The following PKIG variants were observed in gnomAD, a reference collection of about 807,000 sequenced individuals.
PKIG encodes cAMP-dependent protein kinase inhibitor gamma.
A neutral mutation model predicts 6.8 loss-of-function variants in PKIG; 1 was observed. The ratio of observed to expected loss-of-function variants is 0.15; its 90% CI spans 0.05 to 0.69. The LOEUF (loss-of-function observed/expected upper bound fraction) is 0.69, where lower values mean the gene tolerates loss of function less well. Among genes scored for constraint, PKIG ranks in the 30% least tolerant of loss-of-function variants. The pLI is 0.82. For synonymous variants in PKIG, 39 were observed against 43.0 expected, an observed-to-expected ratio of 0.91 and a Z score of 0.36; for missense variants, 77 against 104.0, an observed-to-expected ratio of 0.74 and a Z score of 1.13.
At chr20:44,549,895 T>C (rs1304403019) in intron 1 of PKIG, among the ~76,000 whole-genome samples, 2 of 152,082 alleles carry the variant, frequency 1.3e-5, no homozygotes, top group Non-Finnish European at 2.9e-5. Context: ...AGGAATTCTT[T>C]ACTTTTCTTT....
chr20:44,536,863 CTAT>C (rs1435984461), intron 1 of PKIG, among the ~76,000 whole-genome samples: 2 of 152,228 alleles, frequency 1.3e-5, no homozygotes, highest in African/African-American at 4.8e-5. Flanking sequence ...GTACACATAT[CTAT>C]TATTCTAAAA....
At chr20:44,579,711 G>A (rs1217835702), upstream of PKIG, among the ~76,000 whole-genome samples, 2 of 152,188 alleles carry the variant, frequency 1.3e-5, no homozygotes, top group Non-Finnish European at 2.9e-5. Context: ...TCTGTCTTCC[G>A]GGATTCTGTC....
intron 1 of PKIG, chr20:44,585,019 C>T (rs1364566436): frequency 1.3e-5 from 2 of 152,228 alleles, no homozygotes; most frequent in Non-Finnish European, 2.9e-5. Flanking sequence ...AGTGGGAAGG[C>T]CAGGGCATCC....
chr20:44,600,581 C>G (rs891745582), intron 2 of PKIG, among the ~76,000 whole-genome samples: 1 of 151,914 alleles, frequency 6.6e-6, no homozygotes, highest in Non-Finnish European at 1.5e-5. Flanking sequence ...CACTGTTGCT[C>G]ATGCCTGTAA....
chr20:44,547,298 T>C (rs2064623987), intron 1 of PKIG, among the ~76,000 whole-genome samples: 2 of 152,216 alleles, frequency 1.3e-5, no homozygotes, highest in African/African-American at 4.8e-5. Context: ...TAAGCAAAAG[T>C]AGAGAGAATG....
At chr20:44,603,530 G>A (rs2065139473) in intron 2 of PKIG, among the ~76,000 whole-genome samples, 1 of 152,094 alleles carries the variant, frequency 6.6e-6, no homozygotes. Context: ...GATTTGTAAT[G>A]TCATCAGGGA....
At chr20:44,610,462 TTCTC>T (rs146920514) in intron 2 of PKIG, among the ~76,000 whole-genome samples, 1,559 of 123,300 alleles carry the variant, frequency 0.013, 16 homozygotes, top group East Asian at 0.074. Flanking sequence ...GTCTCTCTCT[TTCTC>T]TCTCTCTCTC....
Position 44,614,225 on chromosome 20 carries a change from T to G in PKIG, c.-23-309T>G. 4.2e-6 allele frequency: 1 copy of G among 238,704 alleles called. No homozygotes were observed. Among genetic ancestry groups the G allele is most frequent in the Non-Finnish European group, 8.3e-6 (1 of 120,884 alleles). 14.8% of individuals were successfully genotyped at this position (238,704 alleles called of 1,614,324 possible). On this transcript the variant is annotated intron_variant, in intron 2 of 3. Coordinates refer to ENST00000372886, the MANE Select transcript of PKIG (RefSeq NM_001281445.2). The surrounding 1 kb of genome is among the most constrained non-coding windows in gnomAD (Gnocchi z 4.6). ...GTGAGGCCAGGGACCATGGCCAGTT[T>G]GTTCATGGTGGTATCTGTGCCAGTG...
chr20:44,616,099 CT>C (rs2065261978), intron 3 of PKIG, among the ~76,000 whole-genome samples: 1 of 152,206 alleles, frequency 6.6e-6, no homozygotes, highest in African/African-American at 2.4e-5. Context: ...TCAGAAGCCC[CT>C]GTGGGCCTTC....
chr20:44,605,264 C>T (rs1022472260), intron 2 of PKIG, among the ~76,000 whole-genome samples: 2 of 152,026 alleles, frequency 1.3e-5, no homozygotes, highest in South Asian at 2.1e-4. Flanking sequence ...AAAAATTAGC[C>T]GGGTGTGGTA....
At chr20:44,548,636 T>C (rs2064638103) in intron 1 of PKIG, among the ~76,000 whole-genome samples, 1 of 152,132 alleles carries the variant, frequency 6.6e-6, no homozygotes, top group Admixed American at 6.6e-5. Flanking sequence ...CTTTGAAATA[T>C]AAACAGCATC....
chr20:44,578,781 T>C (rs981360451), upstream of PKIG, among the ~76,000 whole-genome samples: 4 of 152,204 alleles, frequency 2.6e-5, no homozygotes, highest in Non-Finnish European at 5.9e-5. Flanking sequence ...AATTAATCAA[T>C]CTGTGCCTGT....
At chr20:44,615,633 G>A (rs192200288) in intron 3 of PKIG, among the ~76,000 whole-genome samples, 265 of 152,026 alleles carry the variant, frequency 1.7e-3, no homozygotes, top group African/African-American at 6.1e-3. Context: ...CTCTCACAGC[G>A]CCACAGAGGC....
At chr20:44,540,311 G>A (rs79172757) in intron 1 of PKIG, among the ~76,000 whole-genome samples, 9,186 of 152,134 alleles carry the variant, frequency 0.06, 423 homozygotes, top group African/African-American at 0.14. Flanking sequence ...AAGTTTCCCA[G>A]TCAAGGATTC....
intron 1 of PKIG, among the ~76,000 whole-genome samples, chr20:44,539,188 C>T (rs2064538382): frequency 6.6e-6 from 1 of 152,186 alleles, no homozygotes; most frequent in African/African-American, 2.4e-5. Flanking sequence ...CCACCTCAGC[C>T]TCCCAAAGTG....
At chr20:44,611,049 T>C (rs2065213954) in intron 2 of PKIG, among the ~76,000 whole-genome samples, 1 of 149,834 alleles carries the variant, frequency 6.7e-6, no homozygotes, top group African/African-American at 2.5e-5. Flanking sequence ...TAATATAGAA[T>C]GCCTTTTTTT....
At chr20:44,558,381 C>T (rs1042270486) in intron 1 of PKIG, among the ~76,000 whole-genome samples, 3 of 151,912 alleles carry the variant, frequency 2.0e-5, no homozygotes, top group East Asian at 1.9e-4. Context: ...TATGATTGAT[C>T]GATTGGTTGA....
intron 1 of PKIG, among the ~76,000 whole-genome samples, chr20:44,537,897 A>G (rs1291330435): frequency 6.6e-6 from 1 of 152,098 alleles, no homozygotes; most frequent in Non-Finnish European, 1.5e-5. Flanking sequence ...TCCTGTAAAT[A>G]TACTTTCTGA....
intron 1 of PKIG, among the ~76,000 whole-genome samples, chr20:44,572,800 C>T (rs2064865019): frequency 6.6e-6 from 1 of 152,150 alleles, no homozygotes. Flanking sequence ...TTTTGGGCTG[C>T]TTCTCTTGTG....
Sources: gnomAD v4.1 joint callset for allele counts (sites outside exome capture counted in the v4.1 genomes callset) on GRCh38, gnomAD v4.1.1 for gene constraint, Gnocchi (gnomAD v3.1) non-coding constraint, MANE v1.5 for transcripts, NCBI Gene and HGNC (gene_info 2026-07-23, HGNC 2026-07-21) for gene names.